The following KCNN2 variants were observed in gnomAD, a reference collection of about 807,000 sequenced individuals.
KCNN2 encodes potassium calcium-activated channel subfamily N member 2, also known as small conductance calcium-activated potassium channel protein 2.
KCNN2 carries 24 observed loss-of-function variants against 55.5 expected under a neutral mutation model. That is an observed-to-expected ratio of 0.43 (90% CI 0.31 to 0.61). The LOEUF is 0.61. Ranked by LOEUF, KCNN2 falls within the 20% of genes least tolerant of loss-of-function variation. The probability of loss-of-function intolerance (pLI) is 0.08; values close to 1 mark genes in which losing one functional copy is unlikely to be tolerated. For missense variants in KCNN2, 754 were observed against 853.6 expected, an observed-to-expected ratio of 0.88 and a Z score of 1.45; for synonymous variants, 431 against 336.1, an observed-to-expected ratio of 1.28 and a Z score of -3.09.
chr5:114,156,334 C>A (rs1402890623), intron 1 of KCNN2, among the ~76,000 whole-genome samples: 1 of 152,086 alleles, frequency 6.6e-6, no homozygotes, highest in Non-Finnish European at 1.5e-5. Flanking sequence ...TAGCTTTGTT[C>A]TTTTTACTTG....
chr5:114,159,407 G>A (rs4705631), intron 1 of KCNN2, among the ~76,000 whole-genome samples: 17,226 of 152,182 alleles, frequency 0.11, 1,170 homozygotes, highest in Middle Eastern at 0.24. Context: ...CGGTTTGGCA[G>A]TATTTTATTG....
intron 2 of KCNN2, among the ~76,000 whole-genome samples, chr5:114,394,409 G>A (rs369307696): frequency 1.1e-4 from 16 of 152,088 alleles, no homozygotes; most frequent in East Asian, 5.8e-4. Context: ...TGTTGTGAAC[G>A]TTTTCCCATG....
chr5:114,132,668 G>A (rs1752095833), intron 1 of KCNN2, among the ~76,000 whole-genome samples: 1 of 152,032 alleles, frequency 6.6e-6, no homozygotes, highest in Admixed American at 6.5e-5. Flanking sequence ...ATGGAGCCTA[G>A]CAACATAAAT....
intron 2 of KCNN2, among the ~76,000 whole-genome samples, chr5:114,260,923 G>T (rs1198795442): frequency 5.9e-5 from 9 of 152,144 alleles, no homozygotes; most frequent in Admixed American, 1.3e-4. Flanking sequence ...AGATTGGGGA[G>T]CAGAAGGAAG....
intron 3 of KCNN2, among the ~76,000 whole-genome samples, chr5:114,409,276 A>G (rs1759046035): frequency 6.6e-6 from 1 of 152,218 alleles, no homozygotes; most frequent in Admixed American, 6.5e-5. Flanking sequence ...GGTTTTTATT[A>G]AACTTCCCAT....
At chr5:114,056,519 T>C (rs1750212304) in intron 1 of KCNN2, 6 of 397,810 alleles carry the variant, frequency 1.5e-5, no homozygotes, top group Non-Finnish European at 2.2e-5. Flanking sequence ...GCGACTAAGG[T>C]GACATTGACT....
chr5:114,272,424 T>C (rs1218107621), intron 2 of KCNN2, among the ~76,000 whole-genome samples: 12 of 9,588 alleles, frequency 1.3e-3, no homozygotes, highest in African/African-American at 1.5e-3. Context: ...TACACACATA[T>C]GTACGTACAT....
chr5:114,404,751 G>A lies in KCNN2; in HGVS notation c.1532G>A (p.Arg511His), dbSNP rs1181376782. ...GALNKINFNT[R>H]FVMKTLMTIC... ...CTTAATAAGATAAACTTCAATACACGTTTTGTTATGAAGACTTTAATGACT... is the reference window on the plus strand; with the variant it reads ...CTTAATAAGATAAACTTCAATACACATTTTGTTATGAAGACTTTAATGACT... The change falls in exon 3 of 8, where the codon CGT becomes CAT. Residue 511 changes from arginine (R) to histidine (H), a missense_variant. Arg to His is a conservative substitution (Grantham distance 29). Around this residue, in one of 4 missense-constraint regions of KCNN2, gnomAD observed 86 missense variants for 233.0 expected, o/e 0.37. Coordinates refer to ENST00000673685, the MANE Select transcript of KCNN2 (RefSeq NM_021614.4). The A allele has an allele frequency of 2.5e-6, 4 of 1,613,394 alleles. No homozygotes were observed. Among genetic ancestry groups the A allele is most frequent in the African/African-American group, 2.7e-5 (2 of 74,846 alleles).
chr5:114,211,762 T>A (rs1478158346), intron 1 of KCNN2, among the ~76,000 whole-genome samples: 1 of 152,086 alleles, frequency 6.6e-6, no homozygotes, highest in African/African-American at 2.4e-5. Flanking sequence ...ATGAGAGTGC[T>A]ATTTTCTATA....
intron 1 of KCNN2, among the ~76,000 whole-genome samples, chr5:114,097,432 A>G (rs996979196): frequency 6.6e-6 from 1 of 152,162 alleles, no homozygotes; most frequent in Non-Finnish European, 1.5e-5. Flanking sequence ...CACTAGTGTC[A>G]TGGGTATATG....
intron 2 of KCNN2, among the ~76,000 whole-genome samples, chr5:114,330,629 C>CCACAAGG (rs59834508): frequency 0.75 from 113,092 of 151,364 alleles, 42,496 homozygotes; most frequent in East Asian, 0.97. Flanking sequence ...CTCCAAGCCT[C>CCACAAGG]CTGTCCTCTT....
intron 2 of KCNN2, among the ~76,000 whole-genome samples, chr5:114,293,171 T>A (rs1211339062): frequency 1.8e-4 from 27 of 152,248 alleles, no homozygotes; most frequent in South Asian, 4.1e-4. Flanking sequence ...TTCCTAATTG[T>A]ATACCCTTTA....
chr5:114,366,917 T>G (rs528296644), intron 2 of KCNN2, among the ~76,000 whole-genome samples: 39 of 152,370 alleles, frequency 2.6e-4, no homozygotes, highest in African/African-American at 9.1e-4. Flanking sequence ...TAGCTTTTTC[T>G]TTTTAGCATA....
chr5:114,319,109 CTGAG>C (rs1756564838), intron 2 of KCNN2, among the ~76,000 whole-genome samples: 1 of 152,094 alleles, frequency 6.6e-6, no homozygotes, highest in African/African-American at 2.4e-5. Context: ...CACCCAGAGA[CTGAG>C]TGATTACCAA....
At chr5:114,102,519 T>C (rs1751393479) in intron 1 of KCNN2, among the ~76,000 whole-genome samples, 1 of 152,234 alleles carries the variant, frequency 6.6e-6, no homozygotes. Context: ...CCCATTCCTA[T>C]GTCCTGAATG....
chr5:114,258,813 A>G (rs1360079432), intron 2 of KCNN2, among the ~76,000 whole-genome samples: 2 of 152,102 alleles, frequency 1.3e-5, no homozygotes, highest in Admixed American at 6.5e-5. Context: ...CCCTGTGCAG[A>G]ACCTCCTCCC....
upstream of KCNN2, among the ~76,000 whole-genome samples, chr5:114,361,608 C>A (rs1425133682): frequency 1.3e-5 from 2 of 151,036 alleles, no homozygotes; most frequent in Non-Finnish European, 3.0e-5. Context: ...GGCGTGCAGT[C>A]GGAGAAGTGG....
At chr5:114,470,378 G>A (rs568220175) in intron 4 of KCNN2, among the ~76,000 whole-genome samples, 145 of 152,276 alleles carry the variant, frequency 9.5e-4, no homozygotes, top group African/African-American at 3.3e-3. Flanking sequence ...GAACCACCAA[G>A]TTCCTGTAGA....
At chr5:114,475,082 AAG>A (rs1761908598) in intron 5 of KCNN2, among the ~76,000 whole-genome samples, 3 of 151,910 alleles carry the variant, frequency 2.0e-5, no homozygotes, top group Admixed American at 6.6e-5. Context: ...AGAAAAGACA[AAG>A]AGTTAGAAAA....
Sources: gnomAD v4.1 joint callset for allele counts (sites outside exome capture counted in the v4.1 genomes callset) on GRCh38, gnomAD v4.1.1 for gene constraint, gnomAD v4.1.1 regional missense constraint, MANE v1.5 for transcripts, NCBI Gene and HGNC (gene_info 2026-07-23, HGNC 2026-07-21) for gene names.